HPS3: variants seen among roughly 807,000 people sequenced by gnomAD.
HPS3 encodes HPS3 biogenesis of lysosomal organelles complex 2 subunit 1.
In HPS3, 79 loss-of-function variants were observed where a neutral mutation model predicts 110.9. The ratio of observed to expected loss-of-function variants is 0.71; its 90% confidence interval spans 0.59 to 0.86. The LOEUF (loss-of-function observed/expected upper bound fraction) is 0.86, where lower values mean the gene tolerates loss of function less well. Ranked by LOEUF, HPS3 falls within the 40% of genes least tolerant of loss-of-function variation. The pLI, the probability that HPS3 is intolerant of heterozygous loss-of-function variation, is 0.00. For missense variants in HPS3, 1,197 were observed against 1,206.2 expected, an observed-to-expected ratio of 0.99 and a Z score of 0.11; for synonymous variants, 428 against 451.0, an observed-to-expected ratio of 0.95 and a Z score of 0.65.
chr3:149,162,864 A>G lies in HPS3; in HGVS notation c.2467A>G (p.Thr823Ala). The G allele has an allele frequency of 6.2e-7, 1 of 1,613,554 alleles. No homozygotes were observed. The highest frequency in any genetic ancestry group is 1.1e-5 in the South Asian group (1 of 91,076). The change falls in exon 13 of 17, where the codon ACA becomes GCA. Residue 823 changes from threonine (T) to alanine (A), a missense_variant. Thr to Ala is a moderately conservative substitution (Grantham distance 58, BLOSUM62 0). Coordinates refer to ENST00000296051, the MANE Select transcript of HPS3 (RefSeq NM_032383.5). ...RQPPDTTPLR[T>A]SEDLINACSH... ...GCCTCCTGACACCACACCATTGCGA[A>G]CATCGGAGGATCTGGTAAGATAATG...
chr3:149,142,654 A>ATT (rs140421181), intron 4 of HPS3, among the ~76,000 whole-genome samples: 1 of 151,088 alleles, frequency 6.6e-6, no homozygotes, highest in African/African-American at 2.4e-5. Flanking sequence ...TCTAACCTTC[A>ATT]TTTTTTTTTC....
chr3:149,153,478 G>A lies in HPS3; in HGVS notation c.1246-16G>A, dbSNP rs1343101665. On this transcript the variant is annotated splice_polypyrimidine_tract_variant and intron_variant, in intron 6 of 16. Coordinates refer to ENST00000296051, the MANE Select transcript of HPS3 (RefSeq NM_032383.5). ...ACCTTTATTTCTTGCTTAAATATGT[G>A]ATTTTCCTTTACTAGGCTTGCCCAC... The A allele has an allele frequency of 6.2e-7, 1 of 1,609,596 alleles. No individual in the cohort carries two copies. Among genetic ancestry groups the A allele is most frequent in the Admixed American group, 1.7e-5 (1 of 60,010 alleles).
chr3:149,157,311 C>T, intron 8 of HPS3, 39 bp from the exon 9 acceptor site: 1 of 1,557,806 alleles, frequency 6.4e-7, no homozygotes, highest in Non-Finnish European at 8.8e-7. Context: ...TTTTGAGAGT[C>T]TCTCTTCAGC....
chr3:149,159,608 T>A (rs1023805858), intron 10 of HPS3, among the ~76,000 whole-genome samples: 1 of 152,136 alleles, frequency 6.6e-6, no homozygotes, highest in South Asian at 2.1e-4. Flanking sequence ...TTATACATAG[T>A]TGGATGCAAA....
rs1001006688 is a variant in HPS3, at chr3:149,158,603, C to T, written c.1692-63C>T. 10 of 1,444,292 alleles carry T rather than the reference C, an allele frequency of 6.9e-6. No homozygotes were observed. The African/African-American group carries it at 7.0e-5, about 10-fold the overall frequency. 89.5% of individuals were successfully genotyped at this position (1,444,292 alleles called of 1,614,324 possible). A position where few individuals can be genotyped will look rare whatever the true frequency, so the allele number is the denominator to read the frequency against. ...AGGAGTTTGAAATCAGTCTGGGCAA[C>T]ATAGTGAGACCCCGTCTTTAAAAAA... is the stretch of plus-strand genomic sequence containing the variant. On this transcript the variant is annotated intron_variant, in intron 9 of 16. Coordinates refer to ENST00000296051, the MANE Select transcript of HPS3 (RefSeq NM_032383.5).
intron 5 of HPS3, among the ~76,000 whole-genome samples, chr3:149,148,095 A>G (rs1278936151): frequency 1.3e-5 from 2 of 151,566 alleles, no homozygotes; most frequent in Non-Finnish European, 2.9e-5. Context: ...CTGGTCTCCA[A>G]CTCCTAACCT....
Position 149,129,892 on chromosome 3 carries a change from G to T in HPS3, c.169G>T (p.Ala57Ser). 2 of 1,585,496 alleles carry T rather than the reference G, an allele frequency of 1.3e-6. No homozygotes were observed. Among genetic ancestry groups the T allele is most frequent in the South Asian group, 1.1e-5 (1 of 88,902 alleles). The change falls in exon 1 of 17, where the codon GCC (alanine) becomes TCC (serine). Residue 57 changes from alanine (A) to serine (S), a missense_variant. Transcript: ENST00000296051. ...CCAGGAGCTGTGCCAGCCGCGGTGC[G>T]CCTTCTCCACGCTGGGCCGGGTGTT... ...AGQELCQPRC[A>S]FSTLGRVLRL...
At chr3:149,162,071 A>G in intron 11 of HPS3, 77 bp from the exon 12 acceptor site, 1 of 1,166,228 alleles carries the variant, frequency 8.6e-7, no homozygotes, top group Non-Finnish European at 1.3e-6. Context: ...TGAATGCACT[A>G]GCATGTTTAG....
intron 6 of HPS3, among the ~76,000 whole-genome samples, chr3:149,151,610 AAAAAAAG>A (rs1408347713): frequency 4.1e-5 from 6 of 147,732 alleles, no homozygotes; most frequent in Admixed American, 1.3e-4. Flanking sequence ...AAAAAAAAAA[AAAAAAAG>A]CCTCTTGACC....
At chr3:149,129,981 T>G (rs889851746) in intron 1 of HPS3, 41 bp downstream of exon 1, 18 of 1,507,852 alleles carry the variant, frequency 1.2e-5, no homozygotes, top group Non-Finnish European at 1.5e-5. Flanking sequence ...GGGGTCCAGC[T>G]TGAGGCCTCC....
Position 149,150,679 on chromosome 3 carries a change from A to G in HPS3, c.1244A>G (p.Lys415Arg), listed in dbSNP as rs373896557. 12 of 1,611,350 alleles carry G rather than the reference A, an allele frequency of 7.4e-6. No individual in the cohort carries two copies. Among genetic ancestry groups the G allele is most frequent in the Non-Finnish European group, 1.0e-5 (12 of 1,177,418 alleles). Reference sequence around the variant, plus strand: ...GACCCGTACATGGACACCACCCTGAAGGTAAGAACTGGCTTATGAAGATAG... The same window carrying G: ...GACCCGTACATGGACACCACCCTGAGGGTAAGAACTGGCTTATGAAGATAG... ...EEDPYMDTTL[K>R]ACPPVSMDVC... The change falls in exon 6 of 17, where the codon AAG becomes AGG. Residue 415 changes from lysine to arginine, a missense_variant and splice_region_variant. By Grantham distance (26) the Lys-to-Arg change is conservative. Transcript: ENST00000296051.
chr3:149,172,317 ATC>A lies in HPS3; in HGVS notation c.*96_*97del, dbSNP rs1491363344. 1.4e-5 allele frequency: 9 copies of A among 640,898 alleles called. No homozygotes were observed. Among genetic ancestry groups the A allele is most frequent in the Admixed American group, 1.4e-4 (6 of 42,928 alleles). 39.7% of individuals were successfully genotyped at this position (640,898 alleles called of 1,614,324 possible). A position where few individuals can be genotyped will look rare whatever the true frequency, so the allele number is the denominator to read the frequency against. ...AGTAGAGGAGTTTTTTATTTTATAT[ATC>A]ACACACACACACACACACACACACA... On this transcript the variant is annotated 3_prime_UTR_variant, in exon 17 of 17. Transcript: ENST00000296051.
At position 149,162,137 on chromosome 3, in the gene HPS3, C is replaced by T; in HGVS notation, c.2107-11C>T. On this transcript the variant is annotated splice_polypyrimidine_tract_variant and intron_variant, in intron 11 of 16. Coordinates refer to ENST00000296051, the MANE Select transcript of HPS3 (RefSeq NM_032383.5). The stretch of plus-strand genomic sequence containing the variant: ...GTACCTTTTGTTCCTAAATTTCTTT[C>T]TTATCTGAAGATGAAGTTGGTATGT... 1 of 1,611,908 alleles carries T rather than the reference C, an allele frequency of 6.2e-7. No homozygotes were observed. The highest frequency in any genetic ancestry group is 8.5e-7 in the Non-Finnish European group (1 of 1,178,174).
intron 1 of HPS3, among the ~76,000 whole-genome samples, chr3:149,131,080 T>C (rs1436600148): frequency 6.6e-6 from 1 of 151,002 alleles, no homozygotes; most frequent in Non-Finnish European, 1.5e-5. Context: ...CCGCAGCTGG[T>C]TCGGTGTGAG....
chr3:149,143,801 T>C (rs1722627653), intron 4 of HPS3, among the ~76,000 whole-genome samples: 1 of 152,132 alleles, frequency 6.6e-6, no homozygotes, highest in Non-Finnish European at 1.5e-5. Context: ...CAGCCAAATA[T>C]GGAGAGTACA....
intron 1 of HPS3, among the ~76,000 whole-genome samples, chr3:149,133,610 T>A (rs752009511): frequency 3.4e-4 from 51 of 152,156 alleles, no homozygotes; most frequent in Non-Finnish European, 6.9e-4. Context: ...ATTGTTGTCT[T>A]ATTTTAAGGA....
intron 16 of HPS3, among the ~76,000 whole-genome samples, chr3:149,169,161 C>T (rs1724733220): frequency 6.6e-6 from 1 of 152,068 alleles, no homozygotes; most frequent in Non-Finnish European, 1.5e-5. Context: ...CTACACATTC[C>T]TCACCAGCAA....
chr3:149,138,147 G>T (rs1722228834), intron 1 of HPS3, among the ~76,000 whole-genome samples: 1 of 152,054 alleles, frequency 6.6e-6, no homozygotes, highest in South Asian at 2.1e-4. Flanking sequence ...GAAAGAACAG[G>T]TTCAGGCTCC....
At chr3:149,130,734 A>G (rs1427180363) in intron 1 of HPS3, among the ~76,000 whole-genome samples, 3 of 152,192 alleles carry the variant, frequency 2.0e-5, no homozygotes, top group African/African-American at 7.2e-5. Context: ...ATTGCACTCC[A>G]GTTTAGGCGA....
Sources: gnomAD v4.1 joint callset for allele counts (sites outside exome capture counted in the v4.1 genomes callset) on GRCh38, gnomAD v4.1.1 for gene constraint, MANE v1.5 for transcripts, NCBI Gene and HGNC (gene_info 2026-07-23, HGNC 2026-07-21) for gene names.